Variants in MIPOL1 observed in about 807,000 individuals in gnomAD.
MIPOL1 encodes mirror-image polydactyly 1, also known as mirror-image polydactyly gene 1 protein.
Under a neutral mutation model 60.9 loss-of-function variants are expected in MIPOL1, and 57 were observed. The observed-to-expected ratio is 0.94, with a 90% CI of 0.76 to 1.17. MIPOL1 has a LOEUF of 1.17. Among genes scored for constraint, MIPOL1 ranks in the 50% most tolerant of loss-of-function variants. The probability of loss-of-function intolerance (pLI) is 0.00; values close to 1 mark genes in which losing one functional copy is unlikely to be tolerated. For missense variants in MIPOL1, 551 were observed against 511.6 expected, an observed-to-expected ratio of 1.08 and a Z score of -0.74; for synonymous variants, 179 against 168.8, an observed-to-expected ratio of 1.06 and a Z score of -0.47.
intron 10 of MIPOL1, among the ~76,000 whole-genome samples, chr14:37,410,478 A>G (rs149227549): frequency 7.9e-5 from 12 of 152,210 alleles, no homozygotes; most frequent in Non-Finnish European, 1.5e-4. Context: ...CTGAATTTTT[A>G]CAATTTCAGA....
intron 11 of MIPOL1, among the ~76,000 whole-genome samples, chr14:37,464,037 G>A (rs990222882): frequency 1.3e-5 from 2 of 152,128 alleles, no homozygotes; most frequent in East Asian, 1.9e-4. Context: ...GAAGAAGAAC[G>A]CAAATTAAAA....
chr14:37,222,137 A>G (rs1386763462), intron 1 of MIPOL1, among the ~76,000 whole-genome samples: 1 of 152,164 alleles, frequency 6.6e-6, no homozygotes, highest in African/African-American at 2.4e-5. Flanking sequence ...TAGGAGAGAC[A>G]TTACTGTTAC....
chr14:37,411,897 G>C (rs1595661742), intron 10 of MIPOL1, among the ~76,000 whole-genome samples: 1 of 151,862 alleles, frequency 6.6e-6, no homozygotes, highest in Non-Finnish European at 1.5e-5. Flanking sequence ...CACATCAAAG[G>C]TTCAATTGTG....
At chr14:37,415,113 A>G (rs1276767467) in intron 10 of MIPOL1, among the ~76,000 whole-genome samples, 1 of 152,164 alleles carries the variant, frequency 6.6e-6, no homozygotes, top group Non-Finnish European at 1.5e-5. Flanking sequence ...GAGAAGCTGT[A>G]ATACTACTTT....
chr14:37,493,009 C>T (rs1323053197), intron 11 of MIPOL1, among the ~76,000 whole-genome samples: 1 of 151,964 alleles, frequency 6.6e-6, no homozygotes, highest in Non-Finnish European at 1.5e-5. Context: ...AAATATTTAT[C>T]CAATTAAAAT....
At chr14:37,263,598 T>C (rs763587935) in intron 3 of MIPOL1, among the ~76,000 whole-genome samples, 47 of 152,312 alleles carry the variant, frequency 3.1e-4, no homozygotes, top group Non-Finnish European at 5.9e-4. Flanking sequence ...AGATTGATAG[T>C]AATCATACAT....
chr14:37,406,741 T>C (rs1055080414), intron 10 of MIPOL1, among the ~76,000 whole-genome samples: 1 of 152,170 alleles, frequency 6.6e-6, no homozygotes, highest in Non-Finnish European at 1.5e-5. Flanking sequence ...GAAAATTCAA[T>C]AATTTAATAG....
At chr14:37,253,479 G>C (rs148777513) in intron 3 of MIPOL1, among the ~76,000 whole-genome samples, 5 of 151,748 alleles carry the variant, frequency 3.3e-5, no homozygotes, top group African/African-American at 1.2e-4. Flanking sequence ...CTTTCCACCA[G>C]TGTGATGGTG....
chr14:37,369,804 A>G (rs2092589490), intron 10 of MIPOL1, 180 bp downstream of exon 10: 1 of 364,392 alleles, frequency 2.7e-6, no homozygotes, highest in East Asian at 4.2e-5. Flanking sequence ...TATTTCACGT[A>G]TGTGTACGTG....
chr14:37,200,522 GTC>G (rs1328661757), intron 1 of MIPOL1, among the ~76,000 whole-genome samples: 2 of 152,166 alleles, frequency 1.3e-5, no homozygotes, highest in African/African-American at 4.8e-5. Context: ...ACAGTGGAAT[GTC>G]TCTAGTTAGA....
chr14:37,213,217 A>G (rs966552400), intron 1 of MIPOL1, among the ~76,000 whole-genome samples: 2 of 152,210 alleles, frequency 1.3e-5, no homozygotes, highest in Admixed American at 1.3e-4. Flanking sequence ...CAAATAAACT[A>G]AGTAAGGAAG....
chr14:37,500,852 G>T (rs2153613773), intron 12 of MIPOL1, among the ~76,000 whole-genome samples: 1 of 152,248 alleles, frequency 6.6e-6, no homozygotes, highest in South Asian at 2.1e-4. Context: ...ACATGTAATA[G>T]AATATATTTT....
intron 9 of MIPOL1, among the ~76,000 whole-genome samples, chr14:37,316,254 C>G (rs1423245967): frequency 6.6e-6 from 1 of 152,074 alleles, no homozygotes; most frequent in Non-Finnish European, 1.5e-5. Context: ...TAGTCTTGAA[C>G]TCCTGACCTC....
At chr14:37,497,922 C>T (rs997971435) in intron 11 of MIPOL1, among the ~76,000 whole-genome samples, 4 of 152,080 alleles carry the variant, frequency 2.6e-5, no homozygotes, top group Admixed American at 1.3e-4. Context: ...ATAATGCATA[C>T]CCTTTGGAGA....
chr14:37,460,626 A>G (rs1279375954), intron 11 of MIPOL1, among the ~76,000 whole-genome samples: 10 of 152,188 alleles, frequency 6.6e-5, no homozygotes, highest in East Asian at 1.9e-4. Flanking sequence ...GCACCTCCCA[A>G]AGACTCCTAG....
intron 12 of MIPOL1, among the ~76,000 whole-genome samples, chr14:37,532,416 TAAAGA>T (rs377126455): frequency 5.3e-5 from 8 of 152,170 alleles, no homozygotes; most frequent in Admixed American, 4.6e-4. Context: ...CTTTAACGCA[TAAAGA>T]AAAGATGTAT....
chr14:37,220,966 A>G (rs1446064604), intron 1 of MIPOL1, among the ~76,000 whole-genome samples: 2 of 152,028 alleles, frequency 1.3e-5, no homozygotes, highest in East Asian at 3.9e-4. Context: ...GTTTTTTCAT[A>G]GAGATGGGGT....
chr14:37,446,930 G>A (rs1051559489), intron 11 of MIPOL1, among the ~76,000 whole-genome samples: 26 of 151,832 alleles, frequency 1.7e-4, no homozygotes, highest in African/African-American at 5.8e-4. Flanking sequence ...GTTGTGGGGT[G>A]GGGGGAGTGG....
intron 6 of MIPOL1, among the ~76,000 whole-genome samples, chr14:37,274,050 A>G (rs1249618397): frequency 6.6e-6 from 1 of 151,512 alleles, no homozygotes; most frequent in African/African-American, 2.4e-5. Context: ...CACTAAACTG[A>G]AAAATGGACA....
Sources: gnomAD v4.1 joint callset for allele counts (sites outside exome capture counted in the v4.1 genomes callset) on GRCh38, gnomAD v4.1.1 for gene constraint, MANE v1.5 for transcripts, NCBI Gene and HGNC (gene_info 2026-07-23, HGNC 2026-07-21) for gene names.